SYT1: variants seen among roughly 807,000 people sequenced by gnomAD.
SYT1 encodes synaptotagmin 1.
In SYT1, 8 loss-of-function variants were observed where a neutral mutation model predicts 44.8. That is an observed-to-expected ratio of 0.18 (90% confidence interval 0.10 to 0.32). SYT1 has a LOEUF of 0.32. Ranked by LOEUF, SYT1 falls within the 10% of genes least tolerant of loss-of-function variation. The pLI, the probability that SYT1 is intolerant of heterozygous loss-of-function variation, is 1.00. For missense variants in SYT1, 286 were observed against 509.3 expected, an observed-to-expected ratio of 0.56 and a Z score of 4.22; for synonymous variants, 154 against 188.8, an observed-to-expected ratio of 0.82 and a Z score of 1.51.
chr12:79,198,655 GC>G (rs1171475732), intron 3 of SYT1, among the ~76,000 whole-genome samples: 2 of 152,144 alleles, frequency 1.3e-5, no homozygotes, highest in Non-Finnish European at 2.9e-5. Flanking sequence ...TTTTATATGA[GC>G]TTTTTGTCTT....
chr12:79,257,641 C>A (rs949885205), intron 4 of SYT1, among the ~76,000 whole-genome samples: 3 of 152,172 alleles, frequency 2.0e-5, no homozygotes, highest in Non-Finnish European at 4.4e-5. Context: ...GCACCCGCCA[C>A]AACCCCCGGC....
chr12:79,428,837 T>G (rs1448600579), intron 9 of SYT1, among the ~76,000 whole-genome samples: 7 of 152,206 alleles, frequency 4.6e-5, no homozygotes, highest in African/African-American at 1.7e-4. Context: ...GTGGTTTATT[T>G]GGCTCATGGT....
chr12:78,936,664 C>T (rs1354746286), intron 1 of SYT1, among the ~76,000 whole-genome samples: 6 of 151,736 alleles, frequency 4.0e-5, no homozygotes, highest in African/African-American at 9.7e-5. Flanking sequence ...TGACTTTAAC[C>T]GAGTTTGGCA....
In SYT1 at chr12:79,325,107, T is replaced by G. The variant is rs76228724; in HGVS notation, c.810+25556T>G. Among the ~76,000 whole-genome samples the G allele has an allele frequency of 6.1e-3, 935 of 152,320 alleles. 20 individuals carry two copies. The East Asian group carries it at 0.093, about 15-fold the overall frequency. ...ACCTGGTAACCTTGGGATACTCTGC[T>G]GTTAATATCCGATTCCTATTCAAGT... On this transcript the variant is annotated intron_variant, in intron 8 of 10. Transcript: ENST00000261205.
At chr12:78,925,615 G>T (rs945618804) in intron 1 of SYT1, among the ~76,000 whole-genome samples, 3 of 151,852 alleles carry the variant, frequency 2.0e-5, no homozygotes, top group African/African-American at 7.3e-5. Context: ...TCAAGAAGGT[G>T]TAAGTCCATC....
At chr12:79,033,283 A>G in intron 2 of SYT1, among the ~76,000 whole-genome samples, 1 of 150,952 alleles carries the variant, frequency 6.6e-6, no homozygotes, top group East Asian at 1.9e-4. Flanking sequence ...ATTAGATTGA[A>G]CTCTTCCCCA....
intron 1 of SYT1, among the ~76,000 whole-genome samples, chr12:78,916,509 T>G (rs1179435348): frequency 6.6e-6 from 1 of 152,038 alleles, no homozygotes; most frequent in Non-Finnish European, 1.5e-5. Flanking sequence ...TCTCTTATCC[T>G]ACTTTTTTGT....
chr12:78,881,346 G>T (rs536322687), intron 1 of SYT1, among the ~76,000 whole-genome samples: 12 of 151,706 alleles, frequency 7.9e-5, no homozygotes, highest in Admixed American at 2.0e-4. Flanking sequence ...CAAAGCTTAT[G>T]TAATACTCTC....
At chr12:78,876,721 A>G (rs1477258267) in intron 1 of SYT1, among the ~76,000 whole-genome samples, 1 of 113,382 alleles carries the variant, frequency 8.8e-6, no homozygotes, top group Admixed American at 1.2e-4. Flanking sequence ...TATATTATAT[A>G]ATATAATTAT....
chr12:79,098,546 G>C (rs1878277568), intron 3 of SYT1, among the ~76,000 whole-genome samples: 1 of 152,026 alleles, frequency 6.6e-6, no homozygotes, highest in South Asian at 2.1e-4. Context: ...TAAAGATGTG[G>C]TTTCAATTAA....
At chr12:78,984,026 A>G (rs1869455297) in intron 2 of SYT1, among the ~76,000 whole-genome samples, 1 of 152,030 alleles carries the variant, frequency 6.6e-6, no homozygotes, top group Non-Finnish European at 1.5e-5. Flanking sequence ...CTAAATATTT[A>G]CAACCACAGT....
chr12:78,981,780 G>A (rs1418139879), intron 2 of SYT1, among the ~76,000 whole-genome samples: 1 of 152,160 alleles, frequency 6.6e-6, no homozygotes, highest in Non-Finnish European at 1.5e-5. Context: ...TATGTAGTCA[G>A]CACTATGCAA....
intron 3 of SYT1, among the ~76,000 whole-genome samples, chr12:79,154,006 A>G (rs1870439857): frequency 6.6e-6 from 1 of 152,154 alleles, no homozygotes; most frequent in South Asian, 2.1e-4. Flanking sequence ...AAATCTGAGA[A>G]TCAAGCCCCT....
intron 1 of SYT1, among the ~76,000 whole-genome samples, chr12:78,954,367 T>C (rs2137307972): frequency 6.6e-6 from 1 of 152,146 alleles, no homozygotes; most frequent in South Asian, 2.1e-4. Flanking sequence ...AGGTATTTGA[T>C]TTTTTTCCAC....
chr12:79,304,201 A>T (rs1456829552), intron 8 of SYT1, among the ~76,000 whole-genome samples: 4 of 152,248 alleles, frequency 2.6e-5, no homozygotes, highest in Admixed American at 6.5e-5. Context: ...CACAGAGGCA[A>T]GAACACAATA....
At chr12:79,402,217 C>T (rs892689531) in intron 9 of SYT1, among the ~76,000 whole-genome samples, 11 of 152,108 alleles carry the variant, frequency 7.2e-5, no homozygotes, top group Admixed American at 6.6e-5. Flanking sequence ...TAATGCTACA[C>T]GCAAACCTCT....
chr12:79,051,171 CT>C (rs917848012), intron 3 of SYT1, among the ~76,000 whole-genome samples: 2 of 151,424 alleles, frequency 1.3e-5, no homozygotes, highest in Admixed American at 6.6e-5. Context: ...CAAATTTAAT[CT>C]TTTTTCAACC....
chr12:79,008,881 C>T (rs901979775), intron 2 of SYT1, among the ~76,000 whole-genome samples: 1 of 152,144 alleles, frequency 6.6e-6, no homozygotes, highest in Admixed American at 6.6e-5. Flanking sequence ...TCAATTAAAA[C>T]TCCATGAACT....
chr12:79,084,685 C>A (rs1056070712), intron 3 of SYT1, among the ~76,000 whole-genome samples: 2 of 151,948 alleles, frequency 1.3e-5, no homozygotes, highest in African/African-American at 4.8e-5. Flanking sequence ...GTACAATTGG[C>A]CAATCTATAA....
Sources: allele counts gnomAD v4.1 joint callset (sites outside exome capture counted in the v4.1 genomes callset), GRCh38; gene constraint gnomAD v4.1.1; transcripts MANE v1.5; gene names NCBI Gene and HGNC (gene_info 2026-07-23, HGNC 2026-07-21).